Variants in DENR observed in about 807,000 individuals in gnomAD.
DENR encodes density regulated re-initiation and release factor, also known as density-regulated protein.
Under a neutral mutation model 30.6 loss-of-function variants are expected in DENR, and 6 were observed. The ratio of observed to expected loss-of-function variants is 0.20; its 90% confidence interval spans 0.11 to 0.39. The LOEUF (loss-of-function observed/expected upper bound fraction) is 0.39. Ranked by LOEUF, DENR falls within the 10% of genes least tolerant of loss-of-function variation. The pLI, the probability that DENR is intolerant of heterozygous loss-of-function variation, is 1.00. For missense variants in DENR, 141 were observed against 230.9 expected, an observed-to-expected ratio of 0.61 and a Z score of 2.52; for synonymous variants, 78 against 72.1, an observed-to-expected ratio of 1.08 and a Z score of -0.41.
Position 122,769,494 on chromosome 12 carries a change from T to TTCTC in DENR, c.*434_*437dup, listed in dbSNP as rs150720730. The stretch of plus-strand genomic sequence containing the variant: ...AAATTTTGGTCATTTGGTACTGACT[T>TTCTC]TCTCTCTCTCTCTCTCTCTCTTTTT... On this transcript the variant is annotated 3_prime_UTR_variant, in exon 8 of 8. Coordinates refer to ENST00000280557, the MANE Select transcript of DENR (RefSeq NM_003677.5). 2,148 of 894,426 alleles carry TTCTC rather than the reference T, an allele frequency of 2.4e-3. 33 individuals are homozygous for TTCTC. In the African/African-American group the frequency reaches 0.033, roughly 14 times the overall value. The allele number at this position is 894,426 out of a possible 1,614,324, so 55.4% of individuals were successfully genotyped here. A position where few individuals can be genotyped will look rare whatever the true frequency, so the allele number is the denominator to read the frequency against.
intron 3 of DENR, 139 bp downstream of exon 3, chr12:122,762,345 T>C: frequency 1.6e-6 from 1 of 614,012 alleles, no homozygotes; most frequent in Non-Finnish European, 2.7e-6. Flanking sequence ...GAACTTTGAT[T>C]TAGAGTAATT....
rs1005896678 is a variant in DENR, at chr12:122,770,001, A to G, written c.*923A>G. ...GTTTTGAGATGGGTGAGAATCTAATAGATCTGTGGTTGAATTTGCTGTGTT... is the reference window on the plus strand; with the variant it reads ...GTTTTGAGATGGGTGAGAATCTAATGGATCTGTGGTTGAATTTGCTGTGTT... On this transcript the variant is annotated 3_prime_UTR_variant, in exon 8 of 8. Coordinates refer to ENST00000280557, the MANE Select transcript of DENR (RefSeq NM_003677.5). The G allele has an allele frequency of 8.5e-5, 13 of 152,630 alleles. No individual in the cohort carries two copies. The highest frequency in any genetic ancestry group is 3.1e-4 in the African/African-American group (13 of 41,432). The allele number at this position is 152,630 out of a possible 1,614,324, so 9.5% of individuals were successfully genotyped here.
At chr12:122,765,452 A>C in intron 5 of DENR, 65 bp downstream of exon 5, 1 of 1,410,532 alleles carries the variant, frequency 7.1e-7, no homozygotes, top group Non-Finnish European at 9.7e-7. Context: ...AAATGTAAGT[A>C]ATTAAAATGG....
At chr12:122,755,749 A>G (rs1290548082) in intron 2 of DENR, among the ~76,000 whole-genome samples, 1 of 152,230 alleles carries the variant, frequency 6.6e-6, no homozygotes, top group Non-Finnish European at 1.5e-5. Context: ...CTGTGACCTC[A>G]GAGGGTCAGT....
At chr12:122,756,411 T>C (rs1303283043) in intron 2 of DENR, among the ~76,000 whole-genome samples, 4 of 152,138 alleles carry the variant, frequency 2.6e-5, no homozygotes, top group Admixed American at 2.6e-4. Flanking sequence ...ATCGTGCCAC[T>C]GCACTCAGCC....
At chr12:122,757,923 G>T (rs2135508681) in intron 2 of DENR, among the ~76,000 whole-genome samples, 1 of 152,262 alleles carries the variant, frequency 6.6e-6, no homozygotes, top group South Asian at 2.1e-4. Flanking sequence ...AAATTTAGAA[G>T]ACTTTAAAGT....
chr12:122,757,445 A>AACCAG (rs1257913007), intron 2 of DENR, among the ~76,000 whole-genome samples: 1 of 152,252 alleles, frequency 6.6e-6, no homozygotes, highest in Non-Finnish European at 1.5e-5. Flanking sequence ...ATAAAGAACC[A>AACCAG]ACCAGTTCTA....
At position 122,769,215 on chromosome 12, in the gene DENR, C is replaced by A; in HGVS notation, c.*137C>A. On this transcript the variant is annotated 3_prime_UTR_variant, in exon 8 of 8. Transcript: ENST00000280557. ...ATATATGTATGTATACACATATACA[C>A]ATGTATATATACATGTGTGTATGTA... 1 of 835,884 alleles carries A rather than the reference C, an allele frequency of 1.2e-6. No individual in the cohort carries two copies. The highest frequency in any genetic ancestry group is 1.5e-6 in the Non-Finnish European group (1 of 649,236). 51.8% of individuals were successfully genotyped at this position (835,884 alleles called of 1,614,324 possible).
chr12:122,765,530 T>A (rs1761581514), intron 5 of DENR, 143 bp downstream of exon 5: 1 of 687,906 alleles, frequency 1.5e-6, no homozygotes, highest in Non-Finnish European at 2.5e-6. Context: ...GGCAGGAGGA[T>A]CACTTAAGCC....
At chr12:122,756,589 C>A (rs1459158232) in intron 2 of DENR, among the ~76,000 whole-genome samples, 2 of 152,174 alleles carry the variant, frequency 1.3e-5, no homozygotes, top group Admixed American at 1.3e-4. Context: ...GGAAAGGTTG[C>A]ATTCAGGCAG....
chr12:122,764,050 A>G (rs1878778176), intron 4 of DENR, among the ~76,000 whole-genome samples: 1 of 152,222 alleles, frequency 6.6e-6, no homozygotes, highest in Admixed American at 6.5e-5. Flanking sequence ...GGCAGAGGAC[A>G]CAGCCTGAGG....
chr12:122,764,467 C>T (rs1239638991), intron 4 of DENR, among the ~76,000 whole-genome samples: 1 of 152,130 alleles, frequency 6.6e-6, no homozygotes, highest in South Asian at 2.1e-4. Context: ...GGCGAGGTGG[C>T]GGGCGCCTGT....
At chr12:122,762,817 G>T in intron 3 of DENR, 28 bp from the exon 4 acceptor site, 1 of 1,405,588 alleles carries the variant, frequency 7.1e-7, no homozygotes, top group East Asian at 2.5e-5. Flanking sequence ...ATGTTTTGTT[G>T]TGACTCAGTT....
intron 5 of DENR, 102 bp from the exon 6 acceptor site, chr12:122,767,386 A>G: frequency 1.4e-6 from 1 of 730,954 alleles, no homozygotes; most frequent in Non-Finnish European, 2.1e-6. Flanking sequence ...TTTTTGTATT[A>G]GAGAAAAAGA....
chr12:122,761,645 C>G (rs1050404019), intron 2 of DENR, among the ~76,000 whole-genome samples: 1 of 152,094 alleles, frequency 6.6e-6, no homozygotes, highest in African/African-American at 2.4e-5. Flanking sequence ...CATGGTGAAA[C>G]CTTGTCTCTA....
In DENR at chr12:122,769,252, A is replaced by ACACATG. The variant is rs55653974; in HGVS notation, c.*174_*175insCACATG. 8.7e-6 allele frequency: 5 copies of ACACATG among 572,748 alleles called. No individual in the cohort carries two copies. The African/African-American group carries it at 3.6e-4, about 42-fold the overall frequency. 35.5% of individuals were successfully genotyped at this position (572,748 alleles called of 1,614,324 possible). Reference sequence around the variant, plus strand: ...CATGTGTGTATGTATACATGTATATATATATACATACACATATATGTATAC... The same window carrying ACACATG: ...CATGTGTGTATGTATACATGTATATACACATGTATATACATACACATATATGTATAC... On this transcript the variant is annotated 3_prime_UTR_variant, in exon 8 of 8. Coordinates refer to ENST00000280557, the MANE Select transcript of DENR (RefSeq NM_003677.5).
Position 122,769,039 on chromosome 12 carries a change from T to C in DENR, c.558T>C (p.Asp186=). The C allele has an allele frequency of 1.2e-6, 2 of 1,611,730 alleles. No homozygotes were observed. Among genetic ancestry groups the C allele is most frequent in the Non-Finnish European group, 1.7e-6 (2 of 1,179,060 alleles). ...DVIQEKWPEV[D]DDSIEDLGEV... is the part of the protein sequence containing the mutation. ...TAATTATTTGTGTTTTATAGGTAGA[T>C]GATGACAGCATCGAAGATCTTGGAG... The change falls in exon 8 of 8, where the codon GAT becomes GAC. Residue 186 remains aspartate, a synonymous_variant. Coordinates refer to ENST00000280557, the MANE Select transcript of DENR (RefSeq NM_003677.5).
At chr12:122,760,929 C>T (rs1878682124) in intron 2 of DENR, among the ~76,000 whole-genome samples, 1 of 152,136 alleles carries the variant, frequency 6.6e-6, no homozygotes, top group Non-Finnish European at 1.5e-5. Flanking sequence ...GCCTTGGCAA[C>T]ATAGCGAGAT....
chr12:122,767,600 T>C lies in DENR; in HGVS notation c.408T>C (p.Thr136=). The C allele has an allele frequency of 6.4e-7, 1 of 1,572,556 alleles. No individual in the cohort carries two copies. Among genetic ancestry groups the C allele is most frequent in the Non-Finnish European group, 8.6e-7 (1 of 1,156,226 alleles). Reference sequence around the variant, plus strand: ...TGACAAGAGTATGTGGCCTTGCAACTTTTGGTGAGTTCAGGCTTAAGTATA... The same window carrying C: ...TGACAAGAGTATGTGGCCTTGCAACCTTTGGTGAGTTCAGGCTTAAGTATA... ...KYVTRVCGLA[T]FEIDLKEAQR... The change falls in exon 6 of 8, where the codon ACT becomes ACC. Residue 136 remains threonine, a synonymous_variant. Coordinates refer to ENST00000280557, the MANE Select transcript of DENR (RefSeq NM_003677.5).
Sources: allele counts gnomAD v4.1 joint callset (sites outside exome capture counted in the v4.1 genomes callset), GRCh38; gene constraint gnomAD v4.1.1; transcripts MANE v1.5; gene names NCBI Gene and HGNC (gene_info 2026-07-23, HGNC 2026-07-21).